TNRC6A: variants seen among roughly 807,000 people sequenced by gnomAD.
TNRC6A encodes the protein trinucleotide repeat-containing gene 6A protein.
In TNRC6A, 44 loss-of-function variants were observed where a neutral mutation model predicts 221.2. The ratio of observed to expected loss-of-function variants is 0.20; its 90% CI spans 0.16 to 0.26. The LOEUF (loss-of-function observed/expected upper bound fraction) is 0.26. Ranked by LOEUF, TNRC6A falls within the 10% of genes least tolerant of loss-of-function variation. The pLI, the probability that TNRC6A is intolerant of heterozygous loss-of-function variation, is 1.00. For missense variants in TNRC6A, 2,199 were observed against 2,404.4 expected (o/e 0.91, Z 1.79); for synonymous variants, 847 against 838.5 (o/e 1.01, Z -0.18).
chr16:24,754,079 A>G (rs1380012040), intron 3 of TNRC6A, among the ~76,000 whole-genome samples: 4 of 152,214 alleles, frequency 2.6e-5, no homozygotes, highest in Admixed American at 2.6e-4. Flanking sequence ...GATAATTTTT[A>G]TAATAGGGTA....
intron 1 of TNRC6A, among the ~76,000 whole-genome samples, chr16:24,618,621 CTT>C (rs975223047): frequency 2.7e-5 from 4 of 147,000 alleles, no homozygotes; most frequent in African/African-American, 1.0e-4. Context: ...TATATCATTC[CTT>C]TTACTTTCCA....
intron 2 of TNRC6A, among the ~76,000 whole-genome samples, chr16:24,666,400 G>C (rs1331600168): frequency 1.3e-5 from 2 of 150,276 alleles, no homozygotes; most frequent in East Asian, 3.9e-4. Context: ...ATGAACCCGG[G>C]AGGCAGAGCT....
chr16:24,706,788 T>G (rs185593139), intron 2 of TNRC6A, among the ~76,000 whole-genome samples: 20 of 151,784 alleles, frequency 1.3e-4, no homozygotes, highest in African/African-American at 4.8e-4. Context: ...CAAATACATT[T>G]GAGAAGCTAC....
chr16:24,745,795 T>TACCCCC (rs2056994145), intron 2 of TNRC6A, among the ~76,000 whole-genome samples: 1 of 118,526 alleles, frequency 8.4e-6, no homozygotes, highest in Non-Finnish European at 1.7e-5. Context: ...GTATGTACCA[T>TACCCCC]CCCCCCCCCC....
intron 4 of TNRC6A, among the ~76,000 whole-genome samples, chr16:24,760,927 T>A (rs1330474804): frequency 1.3e-5 from 2 of 152,232 alleles, no homozygotes; most frequent in Non-Finnish European, 2.9e-5. Flanking sequence ...TAGGATCCGA[T>A]GCGAAATGCT....
chr16:24,796,691 G>GA (rs1352146670), intron 9 of TNRC6A, among the ~76,000 whole-genome samples: 9 of 152,206 alleles, frequency 5.9e-5, no homozygotes, highest in Non-Finnish European at 1.5e-5. Context: ...AAGTTGTGAA[G>GA]CTGTGTTCTG....
chr16:24,770,776 C>G (rs1393404081), intron 4 of TNRC6A, among the ~76,000 whole-genome samples: 2 of 152,124 alleles, frequency 1.3e-5, no homozygotes. Context: ...TTAATCCAAA[C>G]TTTTTTGAAC....
At chr16:24,709,878 A>G (rs1021981075) in intron 2 of TNRC6A, among the ~76,000 whole-genome samples, 1 of 151,628 alleles carries the variant, frequency 6.6e-6, no homozygotes, top group Admixed American at 6.6e-5. Context: ...TTCCACTTCG[A>G]TGATTCTCTG....
In TNRC6A at chr16:24,794,572, T is replaced by G; in HGVS notation, c.3381T>G (p.Cys1127Trp). The change falls in exon 8 of 25, where the codon TGT (cysteine) becomes TGG (tryptophan). Residue 1127 changes from cysteine (C) to tryptophan (W), a missense_variant. Cys to Trp is a radical substitution (Grantham distance 215). Transcript: ENST00000395799. ...CAAAATCTATGCAAGATGGCTGGTG[T>G]GGTGATGATATGCCATTGCCTGGAA... ...SGPKSMQDGW[C>W]GDDMPLPGNR... 2 of 1,613,650 alleles carry G rather than the reference T, an allele frequency of 1.2e-6. No homozygotes were observed. Among genetic ancestry groups the G allele is most frequent in the Non-Finnish European group, 1.7e-6 (2 of 1,179,822 alleles).
At chr16:24,765,314 A>T (rs745514731) in intron 4 of TNRC6A, among the ~76,000 whole-genome samples, 16 of 152,224 alleles carry the variant, frequency 1.1e-4, no homozygotes, top group Admixed American at 2.6e-4. Flanking sequence ...CACAGAGAAA[A>T]TGATACTTGC....
In TNRC6A at chr16:24,817,042, CTGAGCCCAGGGTACTCTGGGATCACT is replaced by C. The variant is rs144534354; in HGVS notation, c.4972+97_4972+122del. On this transcript the variant is annotated intron_variant, in intron 20 of 24. Coordinates refer to ENST00000395799, the MANE Select transcript of TNRC6A (RefSeq NM_014494.4). ...TGTAGTACCCAGCTACTCTGGGCGA[CTGAGCCCAGGGTACTCTGGGATCACT>C]TGAGCCCAGGAGCTTGAGGCAAGCC... The C allele has an allele frequency of 0.011, 15,928 of 1,395,302 alleles. 1,020 individuals are homozygous for C. In the Admixed American group the frequency reaches 0.16, roughly 14 times the overall value. The allele number at this position is 1,395,302 out of a possible 1,614,324, so 86.4% of individuals were successfully genotyped here.
At position 24,718,606 on chromosome 16, in the gene TNRC6A, T is replaced by C. The variant is rs189657703; in HGVS notation, n.403-32120T>C. Among the ~76,000 whole-genome samples the C allele has an allele frequency of 5.3e-5, 8 of 152,324 alleles. 1 individual carries two copies. The East Asian group carries it at 1.5e-3, about 29-fold the overall frequency. On this transcript the variant is annotated intron_variant and non_coding_transcript_variant, in intron 2 of 2. Coordinates refer to the TNRC6A transcript ENST00000566108. Reference sequence around the variant, plus strand: ...TTAGGTAGCAAGAGTTCTTGAAGAATCTTTTACGCTACACAAGGGGTTTCA... The same window carrying C: ...TTAGGTAGCAAGAGTTCTTGAAGAACCTTTTACGCTACACAAGGGGTTTCA...
chr16:24,636,719 T>A (rs1901653103), intron 1 of TNRC6A, among the ~76,000 whole-genome samples: 2 of 152,208 alleles, frequency 1.3e-5, no homozygotes, highest in African/African-American at 4.8e-5. Context: ...AAGATAAATT[T>A]GACTCAGTTA....
At chr16:24,623,824 C>G (rs1194521553) in intron 1 of TNRC6A, among the ~76,000 whole-genome samples, 1 of 141,282 alleles carries the variant, frequency 7.1e-6, no homozygotes, top group Non-Finnish European at 1.5e-5. Context: ...ATTGGTTGAG[C>G]CCAGGAGTTG....
intron 2 of TNRC6A, among the ~76,000 whole-genome samples, chr16:24,642,976 C>G (rs1301895592): frequency 1.3e-5 from 2 of 150,036 alleles, no homozygotes; most frequent in African/African-American, 4.9e-5. Context: ...CCCAGGAGTT[C>G]AAGGCTGCAA....
chr16:24,709,851 A>G (rs1225631704), intron 2 of TNRC6A, among the ~76,000 whole-genome samples: 1 of 146,382 alleles, frequency 6.8e-6, no homozygotes, highest in Non-Finnish European at 1.5e-5. Flanking sequence ...AGAAGTTTAT[A>G]TTCTTTGACT....
intron 5 of TNRC6A, among the ~76,000 whole-genome samples, chr16:24,781,334 C>T (rs1299663889): frequency 2.6e-5 from 4 of 152,070 alleles, no homozygotes; most frequent in African/African-American, 4.8e-5. Context: ...GCTGGGATTA[C>T]AGGTGTGAGC....
upstream of TNRC6A, among the ~76,000 whole-genome samples, chr16:24,727,087 T>C (rs2056505202): frequency 1.3e-5 from 2 of 149,952 alleles, no homozygotes; most frequent in Non-Finnish European, 3.0e-5. Context: ...TGGAGTGCAA[T>C]GGTGTGATCT....
rs1028538428 is a variant in TNRC6A, at chr16:24,707,354, A to G, written n.403-43372A>G. Among the ~76,000 whole-genome samples the G allele has an allele frequency of 9.8e-4, 74 of 75,668 alleles. 1 individual carries two copies. The highest frequency in any genetic ancestry group is 8.6e-4 in the Admixed American group (5 of 5,832). The allele number at this position is 75,668 out of a possible 152,430, so 49.6% of individuals were successfully genotyped here. The stretch of plus-strand genomic sequence containing the variant: ...GGATGAAAGGGGAACATGGGCGCAC[A>G]CACACACACACACACACACACACAC... On this transcript the variant is annotated intron_variant and non_coding_transcript_variant, in intron 2 of 2. Transcript: ENST00000566108.
Sources: allele counts gnomAD v4.1 joint callset (sites outside exome capture counted in the v4.1 genomes callset), GRCh38; gene constraint gnomAD v4.1.1; transcripts MANE v1.5; gene names NCBI Gene and HGNC (gene_info 2026-07-23, HGNC 2026-07-21).